The following KIRREL3 variants were observed in gnomAD, a reference collection of about 807,000 sequenced individuals.
The protein encoded by KIRREL3 is kirre like nephrin family adhesion molecule 3.
In KIRREL3, 36 loss-of-function variants were observed where a neutral mutation model predicts 89.7. The ratio of observed to expected loss-of-function variants is 0.40; its 90% CI spans 0.31 to 0.53. The LOEUF is 0.53. KIRREL3 is among the 20% of genes least tolerant of loss of function. The probability of loss-of-function intolerance (pLI) is 0.49; values close to 1 mark genes in which losing one functional copy is unlikely to be tolerated. For missense variants in KIRREL3, 864 were observed against 1,056.6 expected (o/e 0.82, Z 2.53); for synonymous variants, 445 against 441.4 (o/e 1.01, Z -0.10).
rs1296276419 is a variant in KIRREL3, at chr11:126,734,181, A to G, written c.56-171269T>C. Among the ~76,000 whole-genome samples the G allele has an allele frequency of 2.6e-5, 4 of 152,234 alleles. No individual in the cohort carries two copies. Among genetic ancestry groups the G allele is most frequent in the Admixed American group, 6.5e-5 (1 of 15,282 alleles). On this transcript the variant is annotated intron_variant, in intron 1 of 16. Coordinates refer to ENST00000525144, the MANE Select transcript of KIRREL3 (RefSeq NM_032531.4). The surrounding 1 kb of genome is among the most constrained non-coding windows in gnomAD (Gnocchi z 5.9). ...CTAATGGAAATCAATTAGTGGATGT[A>G]AAGAAAATAGGCATTTCACGGCTGT...
In KIRREL3 at chr11:126,685,961, C is replaced by T. The variant is rs1462853699; in HGVS notation, c.56-123049G>A. Among the ~76,000 whole-genome samples, 3 of 152,240 alleles carry T rather than the reference C, an allele frequency of 2.0e-5. No individual in the cohort carries two copies. The highest frequency in any genetic ancestry group is 2.9e-5 in the Non-Finnish European group (2 of 68,046). The stretch of plus-strand genomic sequence containing the variant: ...CATGTGCACAGCTTACTCCTTTGCT[C>T]CACCCGGCTCTGCCTCTGTTCCCTT... On this transcript the variant is annotated intron_variant, in intron 1 of 16. Transcript: ENST00000525144. The surrounding 1 kb of genome is among the most constrained non-coding windows in gnomAD (Gnocchi z 5.5).
chr11:126,791,853 G>T lies in KIRREL3; in HGVS notation c.55+208602C>A, dbSNP rs1332901936. Among the ~76,000 whole-genome samples the T allele has an allele frequency of 6.6e-6, 1 of 152,198 alleles. No individual in the cohort carries two copies. Among genetic ancestry groups the T allele is most frequent in the Admixed American group, 6.5e-5 (1 of 15,276 alleles). Reference sequence around the variant, plus strand: ...TAGGGGCGGTTTCTCAGAGTGTGAGGTATGGGAATGTGGATGTAGCATTGA... The same window carrying T: ...TAGGGGCGGTTTCTCAGAGTGTGAGTTATGGGAATGTGGATGTAGCATTGA... On this transcript the variant is annotated intron_variant, in intron 1 of 16. Transcript: ENST00000525144. This position sits in a 1 kb window ranked among gnomAD's most constrained non-coding sequence, Gnocchi z 4.8.
Position 126,636,761 on chromosome 11 carries a change from G to A in KIRREL3, c.56-73849C>T, listed in dbSNP as rs1298455433. ...TTTGTACCACCTCAGAACAGCAGGGGATGCAGCAATAATGCCAACTAGGAG... is the reference window on the plus strand; with the variant it reads ...TTTGTACCACCTCAGAACAGCAGGGAATGCAGCAATAATGCCAACTAGGAG... On this transcript the variant is annotated intron_variant, in intron 1 of 16. Transcript: ENST00000525144. The surrounding 1 kb of genome is among the most constrained non-coding windows in gnomAD (Gnocchi z 4.4). Among the ~76,000 whole-genome samples, 1 of 152,186 alleles carries A rather than the reference G, an allele frequency of 6.6e-6. No individual in the cohort carries two copies. The highest frequency in any genetic ancestry group is 1.5e-5 in the Non-Finnish European group (1 of 68,036).
chr11:126,472,713 A>AGAGAGAGAGAGAGG (rs2045041032), intron 5 of KIRREL3, among the ~76,000 whole-genome samples: 1 of 151,772 alleles, frequency 6.6e-6, no homozygotes, highest in Non-Finnish European at 1.5e-5. Context: ...GGAGAGAGAG[A>AGAGAGAGAGAGAGG]GAGAGAGAGA....
In KIRREL3 at chr11:126,430,196, G is replaced by A. The variant is rs934209715; in HGVS notation, c.1697-908C>T. Among the ~76,000 whole-genome samples, 2 of 151,880 alleles carry A rather than the reference G, an allele frequency of 1.3e-5. No homozygotes were observed. Among genetic ancestry groups the A allele is most frequent in the East Asian group, 3.9e-4 (2 of 5,164 alleles). ...GCGGTGGCTCACGCCTGTAATCCCA[G>A]CACATTGGGAGGCCGAGGAAGGCGG... On this transcript the variant is annotated intron_variant, in intron 14 of 16. Coordinates refer to ENST00000525144, the MANE Select transcript of KIRREL3 (RefSeq NM_032531.4). The surrounding 1 kb of genome is among the most constrained non-coding windows in gnomAD (Gnocchi z 6.6).
At chr11:126,712,589 C>T (rs1271028545) in intron 1 of KIRREL3, among the ~76,000 whole-genome samples, 1 of 152,178 alleles carries the variant, frequency 6.6e-6, no homozygotes, top group East Asian at 1.9e-4. Context: ...GGGAAACTTT[C>T]CCTCAGAGGC....
rs1215586804 is a variant in KIRREL3 at position 126,991,186 on chromosome 11, G to A, written c.55+9269C>T. ...TCTGGTGACCCAAAGGGCATTCAAA[G>A]CCTTCCAGAAAGGAACAACTTCCTG... On this transcript the variant is annotated intron_variant, in intron 1 of 16. Coordinates refer to ENST00000525144, the MANE Select transcript of KIRREL3 (RefSeq NM_032531.4). The surrounding 1 kb of genome is among the most constrained non-coding windows in gnomAD (Gnocchi z 5.8). 6.6e-6 allele frequency among the ~76,000 whole-genome samples: 1 copy of A among 152,172 alleles called. No individual in the cohort carries two copies. Among genetic ancestry groups the A allele is most frequent in the Non-Finnish European group, 1.5e-5 (1 of 68,030 alleles).
At chr11:126,863,055 C>T (rs1944754981) in intron 1 of KIRREL3, among the ~76,000 whole-genome samples, 3 of 152,226 alleles carry the variant, frequency 2.0e-5, no homozygotes, top group Admixed American at 6.5e-5. Context: ...CCCACCCTTT[C>T]CTGTTCTCTG....
Position 126,761,304 on chromosome 11 carries a change from T to A in KIRREL3, c.56-198392A>T, listed in dbSNP as rs1429585010. Among the ~76,000 whole-genome samples, 4 of 152,188 alleles carry A rather than the reference T, an allele frequency of 2.6e-5. No homozygotes were observed. In the East Asian group the frequency reaches 7.7e-4, roughly 29 times the overall value. ...AGGCAAAGGTATTCACAAACCTCCC[T>A]GGGGGCTCACCAGAGGGGACTGTGA... On this transcript the variant is annotated intron_variant, in intron 1 of 16. Coordinates refer to ENST00000525144, the MANE Select transcript of KIRREL3 (RefSeq NM_032531.4). This position sits in a 1 kb window ranked among gnomAD's most constrained non-coding sequence, Gnocchi z 4.4.
In KIRREL3 at chr11:126,892,969, T is replaced by G. The variant is rs1945985185; in HGVS notation, c.55+107486A>C. On this transcript the variant is annotated intron_variant, in intron 1 of 16. Transcript: ENST00000525144. The surrounding 1 kb of genome is among the most constrained non-coding windows in gnomAD (Gnocchi z 5.4). ...TATTCTAATTGCCTGTGGGATAGGA[T>G]TTCACTATATCCCTGCACAGCTGTT... is the stretch of plus-strand genomic sequence containing the variant. 6.6e-6 allele frequency among the ~76,000 whole-genome samples: 1 copy of G among 152,168 alleles called. No individual in the cohort carries two copies. Among genetic ancestry groups the G allele is most frequent in the South Asian group, 2.1e-4 (1 of 4,822 alleles).
At chr11:126,915,558 T>A (rs1947004790) in intron 1 of KIRREL3, among the ~76,000 whole-genome samples, 1 of 152,198 alleles carries the variant, frequency 6.6e-6, no homozygotes, top group Non-Finnish European at 1.5e-5. Context: ...TTTGCCTCTC[T>A]GTAGAATCCA....
Position 126,449,194 on chromosome 11 carries a change from T to A in KIRREL3, c.849-37A>T, listed in dbSNP as rs1194189847. On this transcript the variant is annotated intron_variant, in intron 7 of 16. Transcript: ENST00000525144. ...GCCAGGGGCTGATGTGGGCCTTGAG[T>A]GGCAAGGCCAACCCTCCGGGAGCTG... The A allele has an allele frequency of 3.7e-6, 6 of 1,607,542 alleles. No homozygotes were observed. The South Asian group carries it at 5.5e-5, about 15-fold the overall frequency.
rs1007478048 is a variant in KIRREL3, at chr11:126,614,166, A to C, written c.56-51254T>G. Among the ~76,000 whole-genome samples, 1 of 152,088 alleles carries C rather than the reference A, an allele frequency of 6.6e-6. No homozygotes were observed. The highest frequency in any genetic ancestry group is 2.4e-5 in the African/African-American group (1 of 41,416). Reference sequence around the variant, plus strand: ...TTTATAAAAGAGAAGGGGGATTAACATGTGCGCTTTAAGGGTTGGAAAAGT... The same window carrying C: ...TTTATAAAAGAGAAGGGGGATTAACCTGTGCGCTTTAAGGGTTGGAAAAGT... On this transcript the variant is annotated intron_variant, in intron 1 of 16. Transcript: ENST00000525144. This position sits in a 1 kb window ranked among gnomAD's most constrained non-coding sequence, Gnocchi z 4.6.
chr11:126,821,341 A>G (rs113265466), intron 1 of KIRREL3, among the ~76,000 whole-genome samples: 3 of 67,706 alleles, frequency 4.4e-5, no homozygotes, highest in Non-Finnish European at 1.1e-4. Flanking sequence ...ATATATATAT[A>G]TATATATATA....
chr11:126,861,082 A>C (rs1437466029), intron 1 of KIRREL3, among the ~76,000 whole-genome samples: 1 of 152,156 alleles, frequency 6.6e-6, no homozygotes, highest in Non-Finnish European at 1.5e-5. Flanking sequence ...GAAAAGGGCA[A>C]AGCTCTGGAT....
chr11:126,964,661 T>G (rs751729027), intron 1 of KIRREL3, among the ~76,000 whole-genome samples: 7 of 152,148 alleles, frequency 4.6e-5, no homozygotes, highest in Admixed American at 6.5e-5. Context: ...TAGGATTTAT[T>G]AGAACAGAAT....
chr11:126,533,940 C>A (rs1959019932), intron 2 of KIRREL3, among the ~76,000 whole-genome samples: 1 of 152,218 alleles, frequency 6.6e-6, no homozygotes, highest in African/African-American at 2.4e-5. Flanking sequence ...GCAGGCTGAG[C>A]TCCATAGGGC....
intron 1 of KIRREL3, among the ~76,000 whole-genome samples, chr11:126,828,346 G>T (rs1484586686): frequency 1.3e-5 from 2 of 152,010 alleles, no homozygotes; most frequent in Non-Finnish European, 2.9e-5. Context: ...GGGAGGAGAG[G>T]TCTGAAAGGC....
intron 9 of KIRREL3, among the ~76,000 whole-genome samples, chr11:126,445,797 T>A (rs926520797): frequency 1.3e-5 from 2 of 152,156 alleles, no homozygotes; most frequent in Non-Finnish European, 2.9e-5. Flanking sequence ...CCCTGTTCCT[T>A]CCTATGTGAG....
Sources: gnomAD v4.1 joint callset for allele counts (sites outside exome capture counted in the v4.1 genomes callset) on GRCh38, gnomAD v4.1.1 for gene constraint, Gnocchi (gnomAD v3.1) non-coding constraint, MANE v1.5 for transcripts, NCBI Gene and HGNC (gene_info 2026-07-23, HGNC 2026-07-21) for gene names.